The following BNC1 variants were observed in gnomAD, a reference collection of about 807,000 sequenced individuals.
BNC1 encodes basonuclin zinc finger protein 1.
BNC1 carries 8 observed loss-of-function variants against 66.5 expected under a neutral mutation model. The ratio of observed to expected loss-of-function variants is 0.12; its 90% confidence interval spans 0.07 to 0.22. The LOEUF is 0.22. BNC1 is among the 10% of genes least tolerant of loss of function. The pLI is 1.00. For synonymous variants in BNC1, 454 were observed against 452.6 expected (o/e 1.00, Z -0.04); for missense variants, 1,069 against 1,241.3 (o/e 0.86, Z 2.09).
intron 4 of BNC1, among the ~76,000 whole-genome samples, chr15:83,261,111 G>C (rs2038135269): frequency 6.6e-6 from 1 of 152,110 alleles, no homozygotes; most frequent in Admixed American, 6.6e-5. Flanking sequence ...TTGTAGGATA[G>C]AACAGTATCA....
At chr15:83,270,128 T>C (rs2038255725) in intron 1 of BNC1, among the ~76,000 whole-genome samples, 3 of 152,184 alleles carry the variant, frequency 2.0e-5, no homozygotes, top group Admixed American at 1.3e-4. Context: ...GGGAGTGTGT[T>C]CTTGTTTGGT....
rs1187500665 is a variant in BNC1, at chr15:83,257,365, C to G, written c.*77G>C. 6.9e-7 allele frequency: 1 copy of G among 1,453,738 alleles called. No individual in the cohort carries two copies. Among genetic ancestry groups the G allele is most frequent in the Non-Finnish European group, 9.3e-7 (1 of 1,072,664 alleles). 90.1% of individuals were successfully genotyped at this position (1,453,738 alleles called of 1,614,324 possible). Reference sequence around the variant, plus strand: ...CTGACTCGCCCCAAATGATATGAAACAGAAACATTTCTATGGACTACTTTA... The same window carrying G: ...CTGACTCGCCCCAAATGATATGAAAGAGAAACATTTCTATGGACTACTTTA... On this transcript the variant is annotated 3_prime_UTR_variant, in exon 5 of 5. Transcript: ENST00000345382.
At position 83,257,598 on chromosome 15, in the gene BNC1, A is replaced by G; in HGVS notation, c.2829T>C (p.Phe943=). The G allele has an allele frequency of 6.2e-7, 1 of 1,614,082 alleles. No individual in the cohort carries two copies. Among genetic ancestry groups the G allele is most frequent in the Non-Finnish European group, 8.5e-7 (1 of 1,180,006 alleles). ...GGTGCACAGTTTTGTAGTGGGCCCTAAAGGTCCCTTTGTTACTGTATGTCT... is the reference window on the plus strand; with the variant it reads ...GGTGCACAGTTTTGTAGTGGGCCCTGAAGGTCCCTTTGTTACTGTATGTCT... The part of the protein sequence containing the change: ...CQKTYSNKGT[F]RAHYKTVHLR... The change falls in exon 5 of 5, where the codon TTT becomes TTC. Residue 943 remains phenylalanine, a synonymous_variant. Transcript: ENST00000345382.
Position 83,274,749 on chromosome 15 carries a change from C to CTGTATCTGAAATAAT in BNC1, c.100-6518_100-6517insATTATTTCAGATACA, listed in dbSNP as rs2038303233. ...ATTACATGTGAGATACTGTACTAAT[C>CTGTATCTGAAATAAT]AGTGTACAAGAATTATTTCATTTCT... On this transcript the variant is annotated intron_variant, in intron 1 of 4. Coordinates refer to ENST00000345382, the MANE Select transcript of BNC1 (RefSeq NM_001717.4). Among the ~76,000 whole-genome samples the CTGTATCTGAAATAAT allele has an allele frequency of 2.6e-5, 4 of 152,178 alleles. 1 individual carries two copies. The South Asian group carries it at 8.3e-4, about 32-fold the overall frequency.
intron 3 of BNC1, among the ~76,000 whole-genome samples, chr15:83,266,020 C>G (rs1291417219): frequency 6.6e-6 from 1 of 152,122 alleles, no homozygotes; most frequent in Non-Finnish European, 1.5e-5. Context: ...AAATACAATG[C>G]TGTAGCTGTT....
chr15:83,264,215 C>G lies in BNC1; in HGVS notation c.1036G>C (p.Glu346Gln), dbSNP rs776468517. The change falls in exon 4 of 5, where the codon GAG becomes CAG. Residue 346 changes from glutamate (E) to glutamine (Q), a missense_variant. Physicochemically the swap from Glu to Gln is conservative, Grantham distance 29 (BLOSUM62 2). Coordinates refer to ENST00000345382, the MANE Select transcript of BNC1 (RefSeq NM_001717.4). ...QLSPEAKVKP[E>Q]RNSLGTKKGR... Reference sequence around the variant, plus strand: ...TTCTTTGTACCAAGGCTATTCCTCTCAGGCTTCACTTTGGCCTCAGGGGAT... The same window carrying G: ...TTCTTTGTACCAAGGCTATTCCTCTGAGGCTTCACTTTGGCCTCAGGGGAT... 1 of 1,614,202 alleles carries G rather than the reference C, an allele frequency of 6.2e-7. No homozygotes were observed. Among genetic ancestry groups the G allele is most frequent in the East Asian group, 2.2e-5 (1 of 44,876 alleles).
At chr15:83,272,672 G>T (rs2038281056) in intron 1 of BNC1, among the ~76,000 whole-genome samples, 1 of 152,154 alleles carries the variant, frequency 6.6e-6, no homozygotes, top group South Asian at 2.1e-4. Flanking sequence ...CTGCTCAAAA[G>T]GCTCACGCAA....
At position 83,257,217 on chromosome 15, in the gene BNC1, G is replaced by C; in HGVS notation, c.*225C>G. On this transcript the variant is annotated 3_prime_UTR_variant, in exon 5 of 5. Coordinates refer to ENST00000345382, the MANE Select transcript of BNC1 (RefSeq NM_001717.4). ...ATTTCTGCAAGTTTTCCTTGTATCAGTGAAAGACCTCTTGGGCTAAGAAAA... is the reference window on the plus strand; with the variant it reads ...ATTTCTGCAAGTTTTCCTTGTATCACTGAAAGACCTCTTGGGCTAAGAAAA... 1.7e-6 allele frequency: 1 copy of C among 585,130 alleles called. No homozygotes were observed. The highest frequency in any genetic ancestry group is 3.0e-6 in the Non-Finnish European group (1 of 336,192). 36.2% of individuals were successfully genotyped at this position (585,130 alleles called of 1,614,324 possible).
At chr15:83,283,432 C>A (rs1266157047) in intron 1 of BNC1, 5 of 1,244,018 alleles carry the variant, frequency 4.0e-6, no homozygotes, top group Non-Finnish European at 5.0e-6. Context: ...TCGCCGCCGC[C>A]GCCCGGCTCC....
chr15:83,261,579 C>T (rs1403321430), intron 4 of BNC1, among the ~76,000 whole-genome samples: 1 of 152,194 alleles, frequency 6.6e-6, no homozygotes, highest in East Asian at 1.9e-4. Context: ...TATGCTTGCT[C>T]TTCCATTTAT....
Position 83,256,353 on chromosome 15 carries a change from G to A in BNC1, c.*1089C>T, listed in dbSNP as rs1477342572. 5 of 152,654 alleles carry A rather than the reference G, an allele frequency of 3.3e-5. No homozygotes were observed. Among genetic ancestry groups the A allele is most frequent in the East Asian group, 1.9e-4 (1 of 5,176 alleles). 9.5% of individuals were successfully genotyped at this position (152,654 alleles called of 1,614,324 possible). ...ATGTAACAGTGTGGAATATATTTCC[G>A]AATAAGTTAAATATTAAGACATACA... On this transcript the variant is annotated 3_prime_UTR_variant, in exon 5 of 5. Coordinates refer to ENST00000345382, the MANE Select transcript of BNC1 (RefSeq NM_001717.4).
intron 1 of BNC1, among the ~76,000 whole-genome samples, chr15:83,278,696 G>A (rs1308011632): frequency 2.6e-5 from 4 of 152,098 alleles, no homozygotes; most frequent in East Asian, 3.9e-4. Flanking sequence ...TCACCATTCC[G>A]CAACTCCTAA....
At chr15:83,283,458 G>C (rs1386469431) in intron 1 of BNC1, 5 of 1,215,562 alleles carry the variant, frequency 4.1e-6, no homozygotes, top group Non-Finnish European at 5.1e-6. Context: ...CGGAACCGAC[G>C]GGGCGCTCCC....
intron 1 of BNC1, chr15:83,283,361 C>A: frequency 7.1e-6 from 10 of 1,402,116 alleles, no homozygotes; most frequent in Non-Finnish European, 8.4e-6. Context: ...GGCGGCGGCT[C>A]CGGAGGAGCA....
chr15:83,278,453 T>C (rs562639460), intron 1 of BNC1, among the ~76,000 whole-genome samples: 1 of 152,234 alleles, frequency 6.6e-6, no homozygotes, highest in Non-Finnish European at 1.5e-5. Context: ...TTAGCATGAG[T>C]CATTCACTGT....
In BNC1 at chr15:83,284,570, C is replaced by A; in HGVS notation, c.59G>T (p.Arg20Leu). The A allele has an allele frequency of 9.2e-7, 1 of 1,085,994 alleles. No individual in the cohort carries two copies. The highest frequency in any genetic ancestry group is 1.1e-6 in the Non-Finnish European group (1 of 895,980). 67.3% of individuals were successfully genotyped at this position (1,085,994 alleles called of 1,614,324 possible). Residue 20 changes from arginine to leucine, a missense_variant, in exon 1 of 5, where the codon CGC becomes CTC. Transcript: ENST00000345382. ...GRGAARARET[R>L]RQPRHRSGRR... The stretch of plus-strand genomic sequence containing the variant: ...ACCGCTGCGGTGCCGGGGCTGCCGG[C>A]GCGTCTCCCGGGCCCGGGCCGCCCC...
chr15:83,267,159 T>C (rs892095703), intron 2 of BNC1, 88 bp from the exon 3 acceptor site: 5 of 982,264 alleles, frequency 5.1e-6, no homozygotes, highest in Non-Finnish European at 7.7e-6. Context: ...GGACCAATTC[T>C]TGGTTATTTA....
chr15:83,265,830 T>C (rs1389492069), intron 3 of BNC1, among the ~76,000 whole-genome samples: 1 of 152,156 alleles, frequency 6.6e-6, no homozygotes, highest in Non-Finnish European at 1.5e-5. Flanking sequence ...GGGGATAATA[T>C]GCCTAAGCTT....
chr15:83,284,580 G>A lies in BNC1; in HGVS notation c.49C>T (p.Arg17Trp), dbSNP rs1307252375. Residue 17 changes from arginine to tryptophan, a missense_variant, in exon 1 of 5, where the codon CGG becomes TGG. Arg to Trp is a moderately radical substitution (Grantham distance 101). This residue lies in a region of BNC1 where 78 missense variants were observed against 80.9 expected (regional missense o/e 0.96). Transcript: ENST00000345382. ...TGCCGGGGCTGCCGGCGCGTCTCCC[G>A]GGCCCGGGCCGCCCCGCGTCCGCCC... is the stretch of plus-strand genomic sequence containing the variant. Reference protein sequence around the residue: ...SRGGRGAARARETRRQPRHRS... With the variant: ...SRGGRGAARAWETRRQPRHRS... The A allele has an allele frequency of 4.8e-6, 5 of 1,052,584 alleles. No homozygotes were observed. In the South Asian group the frequency reaches 1.3e-4, roughly 27 times the overall value. 65.2% of individuals were successfully genotyped at this position (1,052,584 alleles called of 1,614,324 possible).
Sources: gnomAD v4.1 joint callset for allele counts (sites outside exome capture counted in the v4.1 genomes callset) on GRCh38, gnomAD v4.1.1 for gene constraint, gnomAD v4.1.1 regional missense constraint, MANE v1.5 for transcripts, NCBI Gene and HGNC (gene_info 2026-07-23, HGNC 2026-07-21) for gene names.